ROBO2: variants seen among roughly 807,000 people sequenced by gnomAD.
ROBO2 encodes the protein roundabout guidance receptor 2.
A neutral mutation model predicts 160.8 loss-of-function variants in ROBO2; 53 were observed. The observed-to-expected ratio is 0.33, with a 90% CI of 0.26 to 0.41. The LOEUF is 0.41. Among genes scored for constraint, ROBO2 ranks in the 10% least tolerant of loss-of-function variants. The pLI, the probability that ROBO2 is intolerant of heterozygous loss-of-function variation, is 1.00. For synonymous variants in ROBO2, 664 were observed against 611.7 expected, an observed-to-expected ratio of 1.09 and a Z score of -1.26; for missense variants, 1,577 against 1,722.4, an observed-to-expected ratio of 0.92 and a Z score of 1.49.
chr3:77,259,860 C>G (rs777649579), intron 2 of ROBO2, among the ~76,000 whole-genome samples: 2 of 152,206 alleles, frequency 1.3e-5, no homozygotes, highest in Non-Finnish European at 2.9e-5. Context: ...CTGCGCATGG[C>G]AGCTGCAAAA....
intron 2 of ROBO2, among the ~76,000 whole-genome samples, chr3:76,487,557 A>G (rs945683451): frequency 3.3e-5 from 5 of 152,166 alleles, no homozygotes; most frequent in Non-Finnish European, 7.3e-5. Context: ...GGTCCAGGAA[A>G]TAACACGCCA....
intron 2 of ROBO2, among the ~76,000 whole-genome samples, chr3:77,338,581 A>C (rs773058295): frequency 1.8e-4 from 28 of 152,178 alleles, no homozygotes; most frequent in Non-Finnish European, 2.8e-4. Flanking sequence ...TATAAAATGA[A>C]AAGATTTTTT....
intron 2 of ROBO2, among the ~76,000 whole-genome samples, chr3:76,891,208 G>T (rs933958672): frequency 6.6e-6 from 1 of 152,040 alleles, no homozygotes. Flanking sequence ...TTGTTTAGAA[G>T]TTTGCAAATA....
intron 2 of ROBO2, among the ~76,000 whole-genome samples, chr3:76,922,500 A>G (rs1229414318): frequency 2.0e-5 from 3 of 152,214 alleles, no homozygotes; most frequent in African/African-American, 4.8e-5. Context: ...TTCAACGGAA[A>G]GAGCTTCCCA....
chr3:76,535,393 A>G (rs1015782322), intron 2 of ROBO2, among the ~76,000 whole-genome samples: 11 of 152,046 alleles, frequency 7.2e-5, no homozygotes, highest in African/African-American at 2.4e-4. Context: ...GTGGGATGTG[A>G]TACTGGCGTT....
rs1012931697 is a variant in ROBO2, at chr3:76,218,047, A to G, written c.109+280445A>G. On this transcript the variant is annotated intron_variant, in intron 2 of 26. Transcript: ENST00000487694. ...AAATGTAATCCAGCATATAAACAGA[A>G]CCAAAGACAAAAACCAGATGATTAT... is the stretch of plus-strand genomic sequence containing the variant. 1.2e-4 allele frequency among the ~76,000 whole-genome samples: 19 copies of G among 152,276 alleles called. No individual in the cohort carries two copies. The South Asian group carries it at 3.9e-3, about 32-fold the overall frequency.
intron 2 of ROBO2, among the ~76,000 whole-genome samples, chr3:76,789,284 G>A (rs2063193268): frequency 6.6e-6 from 1 of 151,510 alleles, no homozygotes; most frequent in East Asian, 2.0e-4. Flanking sequence ...AAAGAACATA[G>A]CAATGGCTTC....
Position 76,263,382 on chromosome 3 carries a change from A to T in ROBO2, c.109+325780A>T, listed in dbSNP as rs2324495. On this transcript the variant is annotated intron_variant, in intron 2 of 26. Coordinates refer to the ROBO2 transcript ENST00000487694. ...GCTGTGACTACAGGCATGCACTACC[A>T]TACCTAGCTAATTAAAAAAATGTAG... Among the ~76,000 whole-genome samples, 519 of 151,868 alleles carry T rather than the reference A, an allele frequency of 3.4e-3. 6 individuals carry two copies. Among genetic ancestry groups the T allele is most frequent in the Admixed American group, 0.025 (378 of 15,254 alleles).
chr3:77,320,945 C>CA (rs1347631784), intron 2 of ROBO2, among the ~76,000 whole-genome samples: 1 of 152,086 alleles, frequency 6.6e-6, no homozygotes, highest in African/African-American at 2.4e-5. Context: ...CTTAGGTATG[C>CA]AAAGTAGGCA....
intron 2 of ROBO2, among the ~76,000 whole-genome samples, chr3:76,795,023 T>C (rs1560573896): frequency 1.3e-5 from 2 of 152,100 alleles, no homozygotes; most frequent in Non-Finnish European, 2.9e-5. Flanking sequence ...TTTGTTGCTT[T>C]CTCAGTGTGT....
intron 2 of ROBO2, among the ~76,000 whole-genome samples, chr3:76,732,020 A>T (rs556935402): frequency 2.2e-4 from 33 of 152,332 alleles, no homozygotes; most frequent in South Asian, 1.2e-3. Context: ...TTCAGAGCCC[A>T]GACTGCCAGT....
intron 2 of ROBO2, among the ~76,000 whole-genome samples, chr3:76,938,874 G>A (rs2077942247): frequency 6.6e-6 from 1 of 151,396 alleles, no homozygotes; most frequent in Non-Finnish European, 1.5e-5. Flanking sequence ...GGGAGGCTGA[G>A]GCAGGAGAAT....
At chr3:76,850,127 C>T (rs1044433442) in intron 2 of ROBO2, among the ~76,000 whole-genome samples, 1 of 152,022 alleles carries the variant, frequency 6.6e-6, no homozygotes, top group Admixed American at 6.6e-5. Context: ...ACAGAGGTTG[C>T]TTGCAGTGAG....
chr3:77,285,426 C>T (rs982718575), intron 2 of ROBO2, among the ~76,000 whole-genome samples: 2 of 152,186 alleles, frequency 1.3e-5, no homozygotes, highest in Non-Finnish European at 2.9e-5. Flanking sequence ...TTTACCTCGT[C>T]CTCTCACTTA....
Position 77,250,674 on chromosome 3 carries a change from C to T in ROBO2, c.388+152334C>T, listed in dbSNP as rs978086637. The stretch of plus-strand genomic sequence containing the variant: ...ACAATGAAGAGAAATTGATTTGGCT[C>T]GCAGTTCTGGAGTTTGGAAAGAGGA... On this transcript the variant is annotated intron_variant, in intron 2 of 25. Transcript: ENST00000461745. 3.9e-5 allele frequency among the ~76,000 whole-genome samples: 6 copies of T among 152,138 alleles called. No homozygotes were observed. In the East Asian group the frequency reaches 1.2e-3, roughly 29 times the overall value.
At chr3:76,011,594 C>G (rs996283444) in intron 2 of ROBO2, among the ~76,000 whole-genome samples, 1 of 152,114 alleles carries the variant, frequency 6.6e-6, no homozygotes, top group Non-Finnish European at 1.5e-5. Flanking sequence ...AGGAAGTGAT[C>G]TCTCTGCAAT....
intron 2 of ROBO2, among the ~76,000 whole-genome samples, chr3:77,225,060 A>G (rs1304363924): frequency 6.6e-6 from 1 of 151,888 alleles, no homozygotes; most frequent in Non-Finnish European, 1.5e-5. Flanking sequence ...TTGATACATA[A>G]TCATGAGCTA....
intron 2 of ROBO2, among the ~76,000 whole-genome samples, chr3:75,960,551 G>A (rs1948874060): frequency 1.3e-5 from 2 of 151,634 alleles, no homozygotes; most frequent in African/African-American, 2.4e-5. Context: ...GTTAATAAAA[G>A]CTCAAATTTT....
intron 2 of ROBO2, among the ~76,000 whole-genome samples, chr3:77,255,226 T>C (rs1365166952): frequency 6.6e-6 from 1 of 152,170 alleles, no homozygotes; most frequent in Non-Finnish European, 1.5e-5. Context: ...GTCCAAAATG[T>C]TGAGCAAGCC....
Sources: gnomAD v4.1 joint callset for allele counts (sites outside exome capture counted in the v4.1 genomes callset) on GRCh38, gnomAD v4.1.1 for gene constraint, MANE v1.5 for transcripts, NCBI Gene and HGNC (gene_info 2026-07-23, HGNC 2026-07-21) for gene names.